Variants in ARK2N observed in about 807,000 individuals in gnomAD.
ARK2N encodes arkadia (RNF111) N-terminal like PKA signaling regulator 2N.
At chr18:46,179,702 C>T in the ARK2N span, among the ~76,000 whole-genome samples, 766 of 151,548 alleles carry the variant, frequency 5.1e-3, 5 homozygotes, top group Non-Finnish European at 7.3e-3. Context: ...CTCCGCTCAC[C>T]GCAACCTCCG....
chr18:46,228,257 A>G, the ARK2N span, among the ~76,000 whole-genome samples: 6 of 152,172 alleles, frequency 3.9e-5, no homozygotes, highest in Non-Finnish European at 1.5e-5. Context: ...TTTATTAGAC[A>G]TGGATTTTTA....
At chr18:46,235,631 C>G in the ARK2N span, among the ~76,000 whole-genome samples, 1 of 152,198 alleles carries the variant, frequency 6.6e-6, no homozygotes, top group Non-Finnish European at 1.5e-5. Flanking sequence ...TGCCAAAAAT[C>G]TGTACTTCCT....
chr18:46,210,021 A>T, the ARK2N span, among the ~76,000 whole-genome samples: 18 of 152,274 alleles, frequency 1.2e-4, 1 homozygote, highest in South Asian at 2.5e-3. Flanking sequence ...ACTTGCCTTT[A>T]CCCATCCTCC....
At chr18:46,192,345 G>A in the ARK2N span, among the ~76,000 whole-genome samples, 1 of 151,968 alleles carries the variant, frequency 6.6e-6, no homozygotes. Context: ...AGGCTAAGGT[G>A]GGCAGATCAC....
At chr18:46,190,520 C>T in the ARK2N span, among the ~76,000 whole-genome samples, 2 of 151,668 alleles carry the variant, frequency 1.3e-5, no homozygotes, top group African/African-American at 4.8e-5. Flanking sequence ...ACAATTACAG[C>T]TTTTCAAAAA....
At chr18:46,220,123 T>TA in the ARK2N span, among the ~76,000 whole-genome samples, 55 of 152,200 alleles carry the variant, frequency 3.6e-4, no homozygotes, top group Non-Finnish European at 7.1e-4. Flanking sequence ...GCTTTGTGGT[T>TA]AAATGCTTAT....
the ARK2N span, chr18:46,240,065 T>C: frequency 6.2e-7 from 1 of 1,614,226 alleles, no homozygotes; most frequent in Non-Finnish European, 8.5e-7. Flanking sequence ...CCAGAAGTGG[T>C]AAATGTGGAC....
chr18:46,204,929 C>CTTTTTT, the ARK2N span, among the ~76,000 whole-genome samples: 3 of 145,610 alleles, frequency 2.1e-5, no homozygotes, highest in African/African-American at 2.6e-5. Context: ...TTTCTTTTTT[C>CTTTTTT]TTTTTTTTTT....
the ARK2N span, among the ~76,000 whole-genome samples, chr18:46,180,419 G>T: frequency 6.6e-6 from 1 of 152,114 alleles, no homozygotes; most frequent in Non-Finnish European, 1.5e-5. Flanking sequence ...AAAATAAGCA[G>T]TTTGGGGCAG....
At chr18:46,247,009 G>A in the ARK2N span, among the ~76,000 whole-genome samples, 1 of 151,514 alleles carries the variant, frequency 6.6e-6, no homozygotes. Context: ...TCTGGGTTTT[G>A]TAACCATGTT....
At chr18:46,181,769 TTTGA>T in the ARK2N span, among the ~76,000 whole-genome samples, 8 of 152,012 alleles carry the variant, frequency 5.3e-5, no homozygotes, top group East Asian at 1.9e-4. Flanking sequence ...TTAAGTTTAT[TTTGA>T]TTGATTGATT....
the ARK2N span, among the ~76,000 whole-genome samples, chr18:46,221,122 C>T: frequency 1.3e-4 from 19 of 147,474 alleles, no homozygotes; most frequent in Admixed American, 6.7e-4. Flanking sequence ...GGTGACAGAG[C>T]GAGACTCTGT....
the ARK2N span, among the ~76,000 whole-genome samples, chr18:46,258,604 T>C: frequency 6.6e-6 from 1 of 152,236 alleles, no homozygotes; most frequent in Non-Finnish European, 1.5e-5. Context: ...GGTTATAAAA[T>C]GCAAAGTATG....
chr18:46,239,917 C>T, the ARK2N span: 1 of 1,206,640 alleles, frequency 8.3e-7, no homozygotes. Flanking sequence ...ATAATGAAGG[C>T]AACTGACATT....
At chr18:46,214,707 A>C in the ARK2N span, among the ~76,000 whole-genome samples, 1 of 152,258 alleles carries the variant, frequency 6.6e-6, no homozygotes, top group Admixed American at 6.5e-5. Flanking sequence ...TTTAGCATAC[A>C]AAGTGTACAA....
chr18:46,249,311 G>C, the ARK2N span, among the ~76,000 whole-genome samples: 1 of 151,942 alleles, frequency 6.6e-6, no homozygotes, highest in East Asian at 2.0e-4. Context: ...CTCACTGCAA[G>C]CTCTGCCTCC....
At chr18:46,226,203 T>C in the ARK2N span, among the ~76,000 whole-genome samples, 2 of 152,356 alleles carry the variant, frequency 1.3e-5, no homozygotes, top group Admixed American at 1.3e-4. Context: ...ACACAATTCG[T>C]TTCTGAGCAA....
chr18:46,253,940 G>A, the ARK2N span: 1 of 1,216,570 alleles, frequency 8.2e-7, no homozygotes, highest in Non-Finnish European at 1.1e-6. Context: ...TGAATGATGG[G>A]AGTTCTTGGT....
chr18:46,241,727 C>A, the ARK2N span, among the ~76,000 whole-genome samples: 1 of 150,364 alleles, frequency 6.7e-6, no homozygotes, highest in Non-Finnish European at 1.5e-5. Flanking sequence ...TGTATCCCCC[C>A]AAAAAAGAAA....
Sources: gnomAD v4.1 joint callset for allele counts (sites outside exome capture counted in the v4.1 genomes callset) on GRCh38, gnomAD v4.1.1 for gene constraint, MANE v1.5 for transcripts, NCBI Gene and HGNC (gene_info 2026-07-23, HGNC 2026-07-21) for gene names.